HAGH: variants seen among roughly 807,000 people sequenced by gnomAD.
The protein encoded by HAGH is hydroxyacylglutathione hydrolase, mitochondrial.
A neutral mutation model predicts 35.1 loss-of-function variants in HAGH; 29 were observed. The ratio of observed to expected loss-of-function variants is 0.83; its 90% CI spans 0.62 to 1.13. The LOEUF is 1.13. HAGH is among the 50% of genes most tolerant of loss of function. HAGH has a pLI of 0.00. For synonymous variants in HAGH, 225 were observed against 176.1 expected, an observed-to-expected ratio of 1.28 and a Z score of -2.20; for missense variants, 478 against 419.6, an observed-to-expected ratio of 1.14 and a Z score of -1.22.
chr16:1,825,963 G>T (rs1440369056), intron 1 of HAGH, among the ~76,000 whole-genome samples: 1 of 152,214 alleles, frequency 6.6e-6, no homozygotes, highest in East Asian at 1.9e-4. Context: ...AATGGGGTAC[G>T]CACGCCCTGC....
At chr16:1,809,562 T>C in intron 8 of HAGH, 180 bp from the exon 9 acceptor site, 1 of 663,976 alleles carries the variant, frequency 1.5e-6, no homozygotes, top group Non-Finnish European at 2.6e-6. Flanking sequence ...CCAGAAGGAC[T>C]CACACCCCGG....
chr16:1,818,564 G>A (rs1016295177), intron 5 of HAGH: 1 of 153,084 alleles, frequency 6.5e-6, no homozygotes, highest in African/African-American at 2.4e-5. Flanking sequence ...CGCACTGTGA[G>A]GCCAGTCGGG....
intron 1 of HAGH, 94 bp downstream of exon 1, chr16:1,826,618 C>T (rs116869551): frequency 0.13 from 128,323 of 978,312 alleles, 8,933 homozygotes; most frequent in Middle Eastern, 0.15. Context: ...CAACAGACAC[C>T]GCGTCAGCGG....
intron 7 of HAGH, 147 bp from the exon 8 acceptor site, chr16:1,809,980 A>G (rs1166727413): frequency 3.1e-6 from 2 of 642,170 alleles, no homozygotes; most frequent in Admixed American, 2.4e-5. Flanking sequence ...CCTGGACAAC[A>G]TGGCGAGACC....
In HAGH at chr16:1,824,422, G is replaced by C. The variant is rs143704694; in HGVS notation, c.77-1385C>G. 3.5e-4 allele frequency among the ~76,000 whole-genome samples: 54 copies of C among 152,296 alleles called. 1 individual carries two copies. The East Asian group carries it at 0.01, about 29-fold the overall frequency. The stretch of plus-strand genomic sequence containing the variant: ...AGAAGGCCCAAGAGCTGGGAGGAGT[G>C]GGTGACCAAGGGACAAAAGTGTCTG... On this transcript the variant is annotated intron_variant, in intron 1 of 8. Coordinates refer to ENST00000397356, the MANE Select transcript of HAGH (RefSeq NM_005326.6).
chr16:1,824,185 G>A (rs1243385139), intron 1 of HAGH, among the ~76,000 whole-genome samples: 2 of 150,494 alleles, frequency 1.3e-5, no homozygotes, highest in Non-Finnish European at 2.9e-5. Flanking sequence ...TCGCCCTACT[G>A]CACTCCAGCC....
In HAGH at chr16:1,814,956, C is replaced by T. The variant is rs12596619; in HGVS notation, c.747+1937G>A. Among the ~76,000 whole-genome samples the T allele has an allele frequency of 7.8e-3, 983 of 126,482 alleles. 6 individuals are homozygous for T. The highest frequency in any genetic ancestry group is 0.018 in the Middle Eastern group (5 of 272). 83.0% of individuals were successfully genotyped at this position (126,482 alleles called of 152,430 possible). A position where few individuals can be genotyped will look rare whatever the true frequency, so the allele number is the denominator to read the frequency against. Reference sequence around the variant, plus strand: ...ACACACACACACACACACACACACACATATATATATATATCTCACAAAGAC... The same window carrying T: ...ACACACACACACACACACACACACATATATATATATATATCTCACAAAGAC... On this transcript the variant is annotated intron_variant, in intron 7 of 8. Coordinates refer to ENST00000397356, the MANE Select transcript of HAGH (RefSeq NM_005326.6).
intron 3 of HAGH, among the ~76,000 whole-genome samples, chr16:1,821,222 A>G (rs1898137681): frequency 6.6e-6 from 1 of 152,316 alleles, no homozygotes; most frequent in East Asian, 1.9e-4. Flanking sequence ...GACCCCGAAG[A>G]GGCTCGAGGG....
In HAGH at chr16:1,826,765, AGCAGCCCTCGG is replaced by A; in HGVS notation, c.12_22del (p.Gly6ProfsTer58). 8.3e-7 allele frequency: 1 copy of A among 1,208,432 alleles called. No individual in the cohort carries two copies. The highest frequency in any genetic ancestry group is 1.0e-6 in the Non-Finnish European group (1 of 973,242). 74.9% of individuals were successfully genotyped at this position (1,208,432 alleles called of 1,614,324 possible). A position where few individuals can be genotyped will look rare whatever the true frequency, so the allele number is the denominator to read the frequency against. On this transcript the variant is annotated frameshift_variant, in exon 1 of 9. Transcript: ENST00000397356. LOFTEE classifies it high-confidence loss of function. The stretch of plus-strand genomic sequence containing the variant: ...CAGCGCGGCGAGGCTGCGGCGGCCG[AGCAGCCCTCGG>A]CCCACCACCATGACCCGGGCCGGGC...
At chr16:1,823,110 C>A in intron 1 of HAGH, 73 bp from the exon 2 acceptor site, 2 of 1,295,484 alleles carry the variant, frequency 1.5e-6, no homozygotes, top group South Asian at 1.2e-5. Context: ...AGCTGCAGTG[C>A]TTCCCAGCCT....
chr16:1,822,034 G>A (rs1030596106), intron 3 of HAGH: 7 of 377,742 alleles, frequency 1.9e-5, no homozygotes, highest in South Asian at 1.1e-4. Context: ...GCACAAACCC[G>A]CATGGCCCAG....
chr16:1,820,474 CAGG>C (rs1193399295), intron 3 of HAGH, among the ~76,000 whole-genome samples: 1 of 151,338 alleles, frequency 6.6e-6, no homozygotes, highest in African/African-American at 2.5e-5. Context: ...GACACTCTGG[CAGG>C]AGATCAAACT....
intron 7 of HAGH, among the ~76,000 whole-genome samples, chr16:1,814,258 T>C (rs1388692380): frequency 6.6e-6 from 1 of 152,024 alleles, no homozygotes; most frequent in African/African-American, 2.4e-5. Context: ...GCAGATCACC[T>C]GAGGTCAGGA....
intron 7 of HAGH, 57 bp from the exon 8 acceptor site, chr16:1,809,890 A>G: frequency 7.9e-7 from 1 of 1,269,748 alleles, no homozygotes. Context: ...CAGACCAGGC[A>G]CGGAGGCTCA....
chr16:1,819,558 C>T (rs1273207443), intron 4 of HAGH, among the ~76,000 whole-genome samples: 3 of 152,224 alleles, frequency 2.0e-5, no homozygotes, highest in Admixed American at 2.0e-4. Flanking sequence ...CCATCTGCCC[C>T]AATTCTTTAC....
At chr16:1,823,342 A>G (rs1898241622) in intron 1 of HAGH, among the ~76,000 whole-genome samples, 2 of 148,142 alleles carry the variant, frequency 1.4e-5, no homozygotes, top group African/African-American at 2.5e-5. Context: ...ATCTCGGCTC[A>G]CTGCAAGCTC....
intron 7 of HAGH, among the ~76,000 whole-genome samples, chr16:1,816,048 C>T (rs1897877328): frequency 7.1e-6 from 1 of 140,040 alleles, no homozygotes; most frequent in South Asian, 2.2e-4. Context: ...TCAAGCGATT[C>T]TCCTGCCTCA....
At position 1,816,405 on chromosome 16, in the gene HAGH, C is replaced by T. The variant is rs150576288; in HGVS notation, c.747+488G>A. Among the ~76,000 whole-genome samples, 429 of 152,200 alleles carry T rather than the reference C, an allele frequency of 2.8e-3. 1 individual carries two copies. The highest frequency in any genetic ancestry group is 4.8e-3 in the Non-Finnish European group (329 of 67,994). Reference sequence around the variant, plus strand: ...CACTCCACTCAGCAGAGGGAGCCCACGCCTGAGACCACCCAGGCGTGCGTG... The same window carrying T: ...CACTCCACTCAGCAGAGGGAGCCCATGCCTGAGACCACCCAGGCGTGCGTG... On this transcript the variant is annotated intron_variant, in intron 7 of 8. Transcript: ENST00000397356.
rs994868109 is a variant in HAGH at position 1,817,816 on chromosome 16, C to A, written c.542-545G>T. On this transcript the variant is annotated intron_variant, in intron 5 of 8. Coordinates refer to ENST00000397356, the MANE Select transcript of HAGH (RefSeq NM_005326.6). ...ATCACTGCCCAGGCCTCTGTCCCCG[C>A]TTGCCCTCCTCTTGCTGCTTCGCGG... Among the ~76,000 whole-genome samples the A allele has an allele frequency of 2.0e-5, 3 of 152,250 alleles. No individual in the cohort carries two copies. The East Asian group carries it at 5.8e-4, about 29-fold the overall frequency.
Sources: allele counts gnomAD v4.1 joint callset (sites outside exome capture counted in the v4.1 genomes callset), GRCh38; gene constraint gnomAD v4.1.1; transcripts MANE v1.5; gene names NCBI Gene and HGNC (gene_info 2026-07-23, HGNC 2026-07-21).